Variants in CALB2 observed in about 807,000 individuals in gnomAD.
The protein encoded by CALB2 is calbindin 2, also known as calretinin.
In CALB2, 34 loss-of-function variants were observed where a neutral mutation model predicts 45.9. That is an observed-to-expected ratio of 0.74 (90% confidence interval 0.56 to 0.99). The LOEUF is 0.99. Among genes scored for constraint, CALB2 ranks in the 50% least tolerant of loss-of-function variants. CALB2 has a pLI of 0.00. For missense variants in CALB2, 344 were observed against 339.3 expected (o/e 1.01, Z -0.11); for synonymous variants, 142 against 129.6 (o/e 1.10, Z -0.65).
rs575701854 is a variant in CALB2, at chr16:71,376,154, G to A, written c.261+1320G>A. Among the ~76,000 whole-genome samples, 9 of 152,276 alleles carry A rather than the reference G, an allele frequency of 5.9e-5. No individual in the cohort carries two copies. The South Asian group carries it at 1.9e-3, about 32-fold the overall frequency. ...AAGGTAAGTGTGTTAGGGTTTGTGG[G>A]CCATCCAGTCTCTGCCACAGCTCTT... On this transcript the variant is annotated intron_variant, in intron 3 of 10. Transcript: ENST00000302628.
intron 1 of CALB2, among the ~76,000 whole-genome samples, chr16:71,364,962 A>C (rs1248630665): frequency 6.6e-6 from 1 of 152,156 alleles, no homozygotes; most frequent in Non-Finnish European, 1.5e-5. Context: ...CCTCCTTTCT[A>C]AGATGGGGTT....
intron 1 of CALB2, among the ~76,000 whole-genome samples, chr16:71,370,948 C>T (rs1024025643): frequency 7.2e-5 from 11 of 152,156 alleles, no homozygotes; most frequent in African/African-American, 2.4e-4. Flanking sequence ...TATGTGATCT[C>T]GCAAGTCAGG....
intron 10 of CALB2, among the ~76,000 whole-genome samples, chr16:71,387,275 C>T (rs1279538693): frequency 6.6e-6 from 1 of 152,186 alleles, no homozygotes; most frequent in Non-Finnish European, 1.5e-5. Flanking sequence ...AGTAAAGATT[C>T]TGCTGTTGGG....
intron 3 of CALB2, among the ~76,000 whole-genome samples, chr16:71,376,892 C>T (rs2042422985): frequency 6.6e-6 from 1 of 152,114 alleles, no homozygotes; most frequent in Non-Finnish European, 1.5e-5. Flanking sequence ...GCAGAAAGGA[C>T]CCCTCTTAAG....
At chr16:71,364,705 G>C (rs1287567111) in intron 1 of CALB2, among the ~76,000 whole-genome samples, 2 of 152,238 alleles carry the variant, frequency 1.3e-5, no homozygotes, top group Non-Finnish European at 2.9e-5. Context: ...CAGAACCACG[G>C]GTCCAAAGCA....
chr16:71,361,711 A>G, intron 1 of CALB2, among the ~76,000 whole-genome samples: 1 of 152,208 alleles, frequency 6.6e-6, no homozygotes, highest in East Asian at 1.9e-4. Flanking sequence ...TGGGGGCAGG[A>G]GGACCCTTAG....
intron 4 of CALB2, 109 bp from the exon 5 acceptor site, chr16:71,382,610 G>A (rs1230184513): frequency 1.3e-5 from 13 of 1,002,378 alleles, no homozygotes; most frequent in African/African-American, 3.2e-5. Context: ...ATCCCATTCC[G>A]ATATTCTTGA....
chr16:71,381,211 T>C (rs2042487601), intron 4 of CALB2, among the ~76,000 whole-genome samples: 1 of 152,208 alleles, frequency 6.6e-6, no homozygotes, highest in Non-Finnish European at 1.5e-5. Flanking sequence ...GAGTTGTTGG[T>C]GAAGTCATAT....
chr16:71,367,448 C>T (rs1171328530), intron 1 of CALB2, among the ~76,000 whole-genome samples: 1 of 152,188 alleles, frequency 6.6e-6, no homozygotes, highest in African/African-American at 2.4e-5. Flanking sequence ...TCTACCCCAG[C>T]CTCTAGTGAT....
At chr16:71,384,308 C>T (rs1254238805) in intron 7 of CALB2, 31 bp from the exon 8 acceptor site, 1 of 1,602,424 alleles carries the variant, frequency 6.2e-7, no homozygotes, top group Admixed American at 1.7e-5. Context: ...TGTGCAGTCT[C>T]CTCATCTCTG....
At chr16:71,384,409 C>T (rs961858006) in intron 8 of CALB2, 31 bp downstream of exon 8, 6 of 1,597,726 alleles carry the variant, frequency 3.8e-6, no homozygotes, top group Non-Finnish European at 5.1e-6. Context: ...CTTCCCCCTT[C>T]CCTCATCCCT....
chr16:71,386,622 C>T (rs1203599784), intron 10 of CALB2, among the ~76,000 whole-genome samples: 2 of 152,194 alleles, frequency 1.3e-5, no homozygotes, highest in African/African-American at 4.8e-5. Flanking sequence ...AGGAGCCAAA[C>T]CTTTGCAGCT....
chr16:71,371,708 C>T (rs1038598436), intron 1 of CALB2, among the ~76,000 whole-genome samples: 2 of 152,124 alleles, frequency 1.3e-5, no homozygotes, highest in African/African-American at 4.8e-5. Flanking sequence ...TAACTAATGA[C>T]ATCTGCAATG....
At chr16:71,370,753 G>C (rs1457142137) in intron 1 of CALB2, among the ~76,000 whole-genome samples, 1 of 152,158 alleles carries the variant, frequency 6.6e-6, no homozygotes, top group African/African-American at 2.4e-5. Flanking sequence ...AAATCCCCAG[G>C]AGATTCTTTG....
intron 10 of CALB2, among the ~76,000 whole-genome samples, chr16:71,387,461 CTT>C (rs573922741): frequency 2.1e-5 from 3 of 142,312 alleles, no homozygotes; most frequent in Non-Finnish European, 3.1e-5. Context: ...ACGGAAGGGC[CTT>C]TTTTTTTTTT....
chr16:71,363,979 G>A (rs1160685161), intron 1 of CALB2, among the ~76,000 whole-genome samples: 1 of 152,130 alleles, frequency 6.6e-6, no homozygotes. Context: ...AGGCTCTCAG[G>A]GAACAGCCGC....
chr16:71,382,123 A>AG (rs2042502772), intron 4 of CALB2, among the ~76,000 whole-genome samples: 2 of 128,008 alleles, frequency 1.6e-5, no homozygotes, highest in African/African-American at 3.2e-5. Flanking sequence ...GAAAGGAAGA[A>AG]AAAGGAAGGA....
chr16:71,373,017 G>T (rs1053975297), intron 2 of CALB2, among the ~76,000 whole-genome samples: 3 of 152,204 alleles, frequency 2.0e-5, no homozygotes, highest in African/African-American at 7.2e-5. Context: ...AGTGACAGGA[G>T]TGTTGCTTTC....
At chr16:71,367,161 G>A (rs2042296470) in intron 1 of CALB2, among the ~76,000 whole-genome samples, 1 of 152,156 alleles carries the variant, frequency 6.6e-6, no homozygotes, top group Admixed American at 6.5e-5. Flanking sequence ...CACGGTAGTG[G>A]TGCGGAATGG....
Sources: allele counts gnomAD v4.1 joint callset (sites outside exome capture counted in the v4.1 genomes callset), GRCh38; gene constraint gnomAD v4.1.1; transcripts MANE v1.5; gene names NCBI Gene and HGNC (gene_info 2026-07-23, HGNC 2026-07-21).